The following THSD7B variants were observed in gnomAD, a reference collection of about 807,000 sequenced individuals.
THSD7B encodes thrombospondin type-1 domain-containing protein 7B.
A neutral mutation model predicts 213.6 loss-of-function variants in THSD7B; 138 were observed. The observed-to-expected ratio is 0.65, with a 90% CI of 0.56 to 0.74. The LOEUF is 0.74. THSD7B is among the 30% of genes least tolerant of loss of function. The pLI, the probability that THSD7B is intolerant of heterozygous loss-of-function variation, is 0.00. For synonymous variants in THSD7B, 742 were observed against 687.0 expected (o/e 1.08, Z -1.25); for missense variants, 1,931 against 1,991.5 (o/e 0.97, Z 0.58).
chr2:136,946,293 G>C (rs1036534209), intron 2 of THSD7B, among the ~76,000 whole-genome samples: 6 of 152,156 alleles, frequency 3.9e-5, no homozygotes, highest in Non-Finnish European at 7.3e-5. Context: ...ACCAGTGGAG[G>C]CTGCAGAACT....
At chr2:137,216,944 C>T (rs1443835590) in intron 7 of THSD7B, among the ~76,000 whole-genome samples, 1 of 152,102 alleles carries the variant, frequency 6.6e-6, no homozygotes, top group Non-Finnish European at 1.5e-5. Flanking sequence ...ATATGTAATG[C>T]GGATTTAACT....
chr2:137,365,292 A>G (rs1685382040), intron 12 of THSD7B, among the ~76,000 whole-genome samples: 1 of 152,246 alleles, frequency 6.6e-6, no homozygotes, highest in African/African-American at 2.4e-5. Flanking sequence ...AAAACCCTAG[A>G]AGAAAACCTA....
chr2:136,794,684 T>C (rs1593759), intron 1 of THSD7B, among the ~76,000 whole-genome samples: 61,567 of 151,836 alleles, frequency 0.41, 13,164 homozygotes, highest in Non-Finnish European at 0.47. Flanking sequence ...AGTATCGTTT[T>C]ATACATATTT....
chr2:137,655,746 A>T (rs1683224682), intron 22 of THSD7B, 86 bp downstream of exon 22: 5 of 1,393,660 alleles, frequency 3.6e-6, no homozygotes, highest in Non-Finnish European at 4.8e-6. Flanking sequence ...GCTCTAGCTC[A>T]TCAAAATTAA....
chr2:137,178,550 T>TC (rs977821832), intron 7 of THSD7B, among the ~76,000 whole-genome samples: 1 of 152,232 alleles, frequency 6.6e-6, no homozygotes, highest in African/African-American at 2.4e-5. Flanking sequence ...AGTTCCTCGT[T>TC]CCCTTTCATT....
At chr2:137,004,505 G>A (rs753522195) in intron 2 of THSD7B, among the ~76,000 whole-genome samples, 3 of 152,038 alleles carry the variant, frequency 2.0e-5, no homozygotes, top group African/African-American at 7.2e-5. Flanking sequence ...TTTTTAAAAG[G>A]CAATGAAATA....
intron 15 of THSD7B, among the ~76,000 whole-genome samples, chr2:137,528,356 A>C (rs1680318561): frequency 6.6e-6 from 1 of 152,062 alleles, no homozygotes; most frequent in Non-Finnish European, 1.5e-5. Flanking sequence ...AACCCTCTGA[A>C]CATTTGTTTC....
chr2:137,070,289 T>G (rs190644204), intron 3 of THSD7B, among the ~76,000 whole-genome samples: 1 of 151,904 alleles, frequency 6.6e-6, no homozygotes, highest in Non-Finnish European at 1.5e-5. Flanking sequence ...TTTTCATTCT[T>G]TTTTTACAGT....
At chr2:136,816,467 A>G (rs1007323929) in intron 1 of THSD7B, among the ~76,000 whole-genome samples, 4 of 152,224 alleles carry the variant, frequency 2.6e-5, no homozygotes, top group Admixed American at 1.3e-4. Context: ...TGATTTTAAT[A>G]GCTGCATAGG....
chr2:136,947,225 G>A (rs1684958707), intron 2 of THSD7B, among the ~76,000 whole-genome samples: 1 of 151,976 alleles, frequency 6.6e-6, no homozygotes, highest in Non-Finnish European at 1.5e-5. Context: ...TTATTCTTGT[G>A]TTTTCAGCTA....
At chr2:137,174,524 T>C (rs1244412224) in intron 7 of THSD7B, among the ~76,000 whole-genome samples, 1 of 152,234 alleles carries the variant, frequency 6.6e-6, no homozygotes, top group Non-Finnish European at 1.5e-5. Flanking sequence ...TATCTTAGAT[T>C]TGAGTAGTCA....
rs1054812054 is a variant in THSD7B, at chr2:137,618,338, T to C, written c.3566-54T>C. ...CAGATAATCAAAGGTCTGTTGTATT[T>C]TGCTCACATGGCCATAATTTTGAAA... On this transcript the variant is annotated intron_variant, in intron 18 of 27. Coordinates refer to ENST00000409968, the MANE Select transcript of THSD7B (RefSeq NM_001316349.2). The C allele has an allele frequency of 2.8e-6, 4 of 1,405,220 alleles. No individual in the cohort carries two copies. In the African/African-American group the frequency reaches 5.6e-5, roughly 20 times the overall value. The allele number at this position is 1,405,220 out of a possible 1,614,324, so 87.0% of individuals were successfully genotyped here.
At chr2:137,419,594 A>C (rs1686879415) in intron 14 of THSD7B, among the ~76,000 whole-genome samples, 1 of 151,648 alleles carries the variant, frequency 6.6e-6, no homozygotes, top group Admixed American at 6.6e-5. Flanking sequence ...GTATGCAAAA[A>C]GAGGCTAAAA....
chr2:137,652,940 A>G (rs1683167525), intron 21 of THSD7B, among the ~76,000 whole-genome samples: 1 of 152,130 alleles, frequency 6.6e-6, no homozygotes, highest in Non-Finnish European at 1.5e-5. Flanking sequence ...TATTTTTGAT[A>G]GATGCTTATT....
chr2:137,630,584 C>G (rs1360769022), intron 20 of THSD7B, among the ~76,000 whole-genome samples: 1 of 152,168 alleles, frequency 6.6e-6, no homozygotes, highest in Non-Finnish European at 1.5e-5. Context: ...ACCTGAAAAA[C>G]AAACAGTAAA....
chr2:137,621,932 A>G (rs1188651058), intron 20 of THSD7B, among the ~76,000 whole-genome samples: 1 of 152,274 alleles, frequency 6.6e-6, no homozygotes, highest in East Asian at 1.9e-4. Context: ...TCGTAAAGAG[A>G]TCACATCGTG....
chr2:137,359,835 C>G (rs1304749093), intron 12 of THSD7B, among the ~76,000 whole-genome samples: 1 of 152,170 alleles, frequency 6.6e-6, no homozygotes, highest in Non-Finnish European at 1.5e-5. Flanking sequence ...CTGTTCTTCC[C>G]ACAGTCCGCC....
intron 1 of THSD7B, among the ~76,000 whole-genome samples, chr2:136,766,515 AACCCCGCTCTTTGGTG>A (rs201739069): frequency 0.02 from 3,117 of 152,276 alleles, 50 homozygotes; most frequent in Middle Eastern, 0.037. Context: ...TAAGCAAATG[AACCCCGCTCTTTGGTG>A]ACCGCGTATT....
chr2:137,469,233 GAA>G (rs1282297926), intron 15 of THSD7B, among the ~76,000 whole-genome samples: 1 of 152,132 alleles, frequency 6.6e-6, no homozygotes, highest in Admixed American at 6.6e-5. Flanking sequence ...ATTCTGGCGA[GAA>G]AAATTAGTCA....
Sources: gnomAD v4.1 joint callset for allele counts (sites outside exome capture counted in the v4.1 genomes callset) on GRCh38, gnomAD v4.1.1 for gene constraint, MANE v1.5 for transcripts, NCBI Gene and HGNC (gene_info 2026-07-23, HGNC 2026-07-21) for gene names.